CIDEA: variants seen among roughly 807,000 people sequenced by gnomAD.
CIDEA encodes cell death inducing DFFA like effector a.
In CIDEA, 10 loss-of-function variants were observed where a neutral mutation model predicts 18.2. The observed-to-expected ratio is 0.55, with a 90% CI of 0.34 to 0.93. The LOEUF is 0.93. CIDEA is among the 40% of genes least tolerant of loss of function. CIDEA has a pLI of 0.02. For synonymous variants in CIDEA, 128 were observed against 124.8 expected, an observed-to-expected ratio of 1.03 and a Z score of -0.17; for missense variants, 309 against 293.1, an observed-to-expected ratio of 1.05 and a Z score of -0.40.
At chr18:12,264,585 G>T in intron 3 of CIDEA, 132 bp downstream of exon 3, 5 of 687,632 alleles carry the variant, frequency 7.3e-6, no homozygotes, top group South Asian at 2.1e-5. Flanking sequence ...ACGGAGTCTC[G>T]CTCTGTCACC....
In CIDEA at chr18:12,268,629, C is replaced by A. The variant is rs1324062476; in HGVS notation, c.330+4176C>A. ...GCTTCAAACTCCTGGTTTCAAGCTC[C>A]TGAGCTCCAGCGATCCACTACCTCT... On this transcript the variant is annotated intron_variant, in intron 3 of 4. Coordinates refer to ENST00000320477, the MANE Select transcript of CIDEA (RefSeq NM_001279.4). Among the ~76,000 whole-genome samples, 7 of 151,916 alleles carry A rather than the reference C, an allele frequency of 4.6e-5. No homozygotes were observed. In the East Asian group the frequency reaches 1.4e-3, roughly 30 times the overall value.
chr18:12,266,187 C>T (rs1051348966), intron 3 of CIDEA, among the ~76,000 whole-genome samples: 38 of 152,224 alleles, frequency 2.5e-4, no homozygotes, highest in African/African-American at 8.9e-4. Flanking sequence ...ACTATGATCA[C>T]ACCTCTGCAC....
chr18:12,274,444 C>A (rs778411358), intron 4 of CIDEA, among the ~76,000 whole-genome samples, 170 bp downstream of exon 4: 3 of 152,176 alleles, frequency 2.0e-5, no homozygotes, highest in Admixed American at 1.3e-4. Context: ...TCATCTCACA[C>A]AACAGAAAAT....
intron 3 of CIDEA, among the ~76,000 whole-genome samples, chr18:12,267,579 T>C (rs1219419871): frequency 6.6e-6 from 1 of 152,222 alleles, no homozygotes; most frequent in African/African-American, 2.4e-5. Context: ...CTGCAACCTC[T>C]GCCTCCCTGG....
rs1286005553 is a variant in CIDEA at position 12,266,980 on chromosome 18, C to A, written c.330+2527C>A. 2.6e-5 allele frequency among the ~76,000 whole-genome samples: 4 copies of A among 152,076 alleles called. No homozygotes were observed. In the South Asian group the frequency reaches 8.3e-4, roughly 32 times the overall value. ...TTCACCATATTGGACAGGCTGGTCT[C>A]GAACTCCTGACCTTGTGATCCACCT... On this transcript the variant is annotated intron_variant, in intron 3 of 4. Transcript: ENST00000320477.
At chr18:12,270,527 A>T in intron 3 of CIDEA, among the ~76,000 whole-genome samples, 1 of 151,966 alleles carries the variant, frequency 6.6e-6, no homozygotes, top group Non-Finnish European at 1.5e-5. Flanking sequence ...CGTCTTTACT[A>T]AAAATACAAA....
At chr18:12,264,101 G>T (rs780954554) in intron 2 of CIDEA, among the ~76,000 whole-genome samples, 1 of 152,054 alleles carries the variant, frequency 6.6e-6, no homozygotes, top group Non-Finnish European at 1.5e-5. Flanking sequence ...CAGCATAGTG[G>T]GTCCCCATCT....
At chr18:12,273,959 A>G (rs966681405) in intron 3 of CIDEA, 134 bp from the exon 4 acceptor site, 12 of 876,058 alleles carry the variant, frequency 1.4e-5, no homozygotes, top group Admixed American at 2.5e-5. Flanking sequence ...GCATCTCTCT[A>G]TCGATTAGCC....
chr18:12,274,040 C>A, intron 3 of CIDEA, 53 bp from the exon 4 acceptor site: 1 of 1,584,640 alleles, frequency 6.3e-7, no homozygotes, highest in Non-Finnish European at 8.6e-7. Flanking sequence ...AGAGTGATGA[C>A]GTGGGAGGGT....
chr18:12,274,630 G>A (rs75565885), intron 4 of CIDEA, among the ~76,000 whole-genome samples: 2,489 of 152,220 alleles, frequency 0.016, 60 homozygotes, highest in African/African-American at 0.056. Context: ...TGTACAGAAC[G>A]GTCACCTAGA....
At position 12,262,870 on chromosome 18, in the gene CIDEA, C is replaced by T. The variant is rs1442794377; in HGVS notation, c.84C>T (p.Thr28=). Residue 28 remains threonine (T), a synonymous_variant, in exon 2 of 5, where the codon ACC becomes ACT. Transcript: ENST00000320477. ...CACAGACTAAGCGAGTCCTGTTCAC[C>T]CCGCTCATGCATCCAGCTCGCCCTT... ...MGSQTKRVLF[T]PLMHPARPFR... The T allele has an allele frequency of 6.2e-7, 1 of 1,614,086 alleles. No homozygotes were observed. The highest frequency in any genetic ancestry group is 1.7e-5 in the Admixed American group (1 of 60,002).
Position 12,262,844 on chromosome 18 carries a change from T to A in CIDEA, c.58T>A (p.Ser20Thr). 1 of 1,614,044 alleles carries A rather than the reference T, an allele frequency of 6.2e-7. No individual in the cohort carries two copies. Among genetic ancestry groups the A allele is most frequent in the East Asian group, 2.2e-5 (1 of 44,884 alleles). ...TTTCAGGCCCCTGACATTTATGGGA[T>A]CACAGACTAAGCGAGTCCTGTTCAC... is the stretch of plus-strand genomic sequence containing the variant. ...ALIRPLTFMG[S>T]QTKRVLFTPL... The change falls in exon 2 of 5, where the codon TCA (serine) becomes ACA (threonine). Residue 20 changes from serine to threonine, a missense_variant. By Grantham distance (58) the Ser-to-Thr change is moderately conservative. Coordinates refer to ENST00000320477, the MANE Select transcript of CIDEA (RefSeq NM_001279.4).
rs184290761 is a variant in CIDEA, at chr18:12,271,472, G to A, written c.331-2621G>A. Reference sequence around the variant, plus strand: ...CACGGCGGCCCTGCGCCCTGGCTTTGACTCTGACCTCGGCAGTGGGACAGC... The same window carrying A: ...CACGGCGGCCCTGCGCCCTGGCTTTAACTCTGACCTCGGCAGTGGGACAGC... On this transcript the variant is annotated intron_variant, in intron 3 of 4. Coordinates refer to ENST00000320477, the MANE Select transcript of CIDEA (RefSeq NM_001279.4). 6.9e-4 allele frequency among the ~76,000 whole-genome samples: 105 copies of A among 152,332 alleles called. No individual in the cohort carries two copies. The East Asian group carries it at 0.017, about 25-fold the overall frequency.
chr18:12,275,610 G>T (rs938619393), intron 4 of CIDEA, among the ~76,000 whole-genome samples: 1 of 152,210 alleles, frequency 6.6e-6, no homozygotes. Context: ...CTCTTTGAGG[G>T]TGTTGTTTCC....
At chr18:12,261,845 C>T (rs4797657) in intron 1 of CIDEA, among the ~76,000 whole-genome samples, 150,494 of 151,958 alleles carry the variant, frequency 0.99, 74,535 homozygotes, top group East Asian at 1. Flanking sequence ...CCTCCCAAAG[C>T]ACTGGAATTA....
At chr18:12,255,062 T>TC in intron 1 of CIDEA, 1 of 615,094 alleles carries the variant, frequency 1.6e-6, no homozygotes, top group South Asian at 2.1e-5. Context: ...TGAGGAGTCT[T>TC]CCCTGCGCTT....
intron 1 of CIDEA, among the ~76,000 whole-genome samples, chr18:12,258,884 T>G (rs1912112334): frequency 6.6e-6 from 1 of 152,226 alleles, no homozygotes; most frequent in Non-Finnish European, 1.5e-5. Flanking sequence ...TCAGCTGCCA[T>G]GATGAGGTGG....
rs75315911 is a variant in CIDEA at position 12,277,287 on chromosome 18, C to A, written c.*17C>A. The stretch of plus-strand genomic sequence containing the variant: ...TGTGGATAGGGATGCAGGCTGTCGC[C>A]GGCTCTTGAGCCAAACACTGTGTTT... On this transcript the variant is annotated 3_prime_UTR_variant, in exon 5 of 5. Transcript: ENST00000320477. The A allele has an allele frequency of 6.2e-7, 1 of 1,613,740 alleles. No homozygotes were observed. Among genetic ancestry groups the A allele is most frequent in the Non-Finnish European group, 8.5e-7 (1 of 1,179,934 alleles).
chr18:12,272,147 T>TGGGGGGGGGGGGGGGGGGG, intron 3 of CIDEA, among the ~76,000 whole-genome samples: 1 of 1,476 alleles, frequency 6.8e-4, no homozygotes, highest in Admixed American at 6.8e-3. Flanking sequence ...TGAGTGTGTG[T>TGGGGGGGGGGGGGGGGGGG]GTGGGGGGGG....
Sources: gnomAD v4.1 joint callset for allele counts (sites outside exome capture counted in the v4.1 genomes callset) on GRCh38, gnomAD v4.1.1 for gene constraint, MANE v1.5 for transcripts, NCBI Gene and HGNC (gene_info 2026-07-23, HGNC 2026-07-21) for gene names.